ITGA8: variants seen among roughly 807,000 people sequenced by gnomAD.
The protein encoded by ITGA8 is integrin alpha-8.
In ITGA8, 91 loss-of-function variants were observed where a neutral mutation model predicts 142.3. That is an observed-to-expected ratio of 0.64 (90% confidence interval 0.54 to 0.76). The LOEUF is 0.76. Among genes scored for constraint, ITGA8 ranks in the 30% least tolerant of loss-of-function variants. ITGA8 has a pLI of 0.00. For missense variants in ITGA8, 1,406 were observed against 1,327.7 expected (o/e 1.06, Z -0.92); for synonymous variants, 505 against 485.2 (o/e 1.04, Z -0.54).
At position 15,572,285 on chromosome 10, in the gene ITGA8, A is replaced by G; in HGVS notation, c.2563T>C (p.Tyr855His). Residue 855 changes from tyrosine (Y) to histidine (H), a missense_variant, in exon 25 of 30, where the codon TAT (tyrosine) becomes CAT (histidine). By Grantham distance (83) the Tyr-to-His change is moderately conservative (BLOSUM62 2). Transcript: ENST00000378076. Reference protein sequence around the residue: ...PFSARDEFLLYIFHIQTLGPL... With the variant: ...PFSARDEFLLHIFHIQTLGPL... ...CCCAGAGTTTGAATATGGAAAATAT[A>G]GAGAAGAAATTCATCCCGGGCAGAG... 5 of 1,614,008 alleles carry G rather than the reference A, an allele frequency of 3.1e-6. No homozygotes were observed. The highest frequency in any genetic ancestry group is 4.2e-6 in the Non-Finnish European group (5 of 1,179,856).
At chr10:15,589,340 G>T (rs1383014034) in intron 22 of ITGA8, among the ~76,000 whole-genome samples, 1 of 152,144 alleles carries the variant, frequency 6.6e-6, no homozygotes, top group Non-Finnish European at 1.5e-5. Flanking sequence ...GAAACTCTGA[G>T]GACAGTCACC....
chr10:15,718,838 C>G lies in ITGA8; in HGVS notation c.271G>C (p.Gly91Arg). 3 of 1,614,158 alleles carry G rather than the reference C, an allele frequency of 1.9e-6. No homozygotes were observed. Among genetic ancestry groups the G allele is most frequent in the Non-Finnish European group, 2.5e-6 (3 of 1,180,036 alleles). Residue 91 changes from glycine to arginine, a missense_variant, in exon 2 of 30, where the codon GGA becomes CGA. Physicochemically the swap from Gly to Arg is moderately radical, Grantham distance 125. Coordinates refer to ENST00000378076, the MANE Select transcript of ITGA8 (RefSeq NM_003638.3). The part of the protein sequence containing the change: ...NTSQPDIVEG[G>R]AVYYCPWPAE... ...GGCCAAGGACAGTAATAGACGGCTC[C>G]CCCTTCCACGATATCGGGCTGGCTG... is the stretch of plus-strand genomic sequence containing the variant.
intron 2 of ITGA8, among the ~76,000 whole-genome samples, chr10:15,701,693 G>A (rs998878020): frequency 2.6e-5 from 4 of 152,184 alleles, no homozygotes; most frequent in African/African-American, 9.7e-5. Context: ...TGGCAGACAG[G>A]ATAATTTTTG....
chr10:15,663,912 T>TG (rs1200662836), intron 8 of ITGA8, among the ~76,000 whole-genome samples: 5 of 152,204 alleles, frequency 3.3e-5, no homozygotes, highest in Non-Finnish European at 5.9e-5. Context: ...AATAATAATT[T>TG]GGCATGTTTT....
chr10:15,593,033 T>C (rs1359343260), intron 21 of ITGA8, among the ~76,000 whole-genome samples: 1 of 152,232 alleles, frequency 6.6e-6, no homozygotes, highest in Admixed American at 6.5e-5. Context: ...GGTTACAATG[T>C]TTATGTGCAA....
At position 15,607,848 on chromosome 10, in the gene ITGA8, A is replaced by T. The variant is rs778578296; in HGVS notation, c.1610-17T>A. ...CCATCAAGACTAAAGGACAGAAGTA[A>T]AGTAGAGAAAAAGTATTCAGTGAAC... On this transcript the variant is annotated splice_polypyrimidine_tract_variant and intron_variant, in intron 16 of 29. Coordinates refer to ENST00000378076, the MANE Select transcript of ITGA8 (RefSeq NM_003638.3). 3.1e-6 allele frequency: 5 copies of T among 1,608,282 alleles called. No individual in the cohort carries two copies. The East Asian group carries it at 1.1e-4, about 36-fold the overall frequency.
In ITGA8 at chr10:15,696,024, C is replaced by T. The variant is rs573889769; in HGVS notation, c.344-7986G>A. Among the ~76,000 whole-genome samples, 81 of 152,334 alleles carry T rather than the reference C, an allele frequency of 5.3e-4. 2 individuals carry two copies. The highest frequency in any genetic ancestry group is 4.6e-3 in the Admixed American group (71 of 15,306). ...TGCCAGACTCTGCGTGAAATTCCTT[C>T]CTAGTTGTAATACTCAATGTGCTTT... On this transcript the variant is annotated intron_variant, in intron 2 of 29. Coordinates refer to ENST00000378076, the MANE Select transcript of ITGA8 (RefSeq NM_003638.3).
At chr10:15,556,019 T>TCTCTC (rs1491126409) in intron 26 of ITGA8, among the ~76,000 whole-genome samples, 21 of 14,188 alleles carry the variant, frequency 1.5e-3, no homozygotes, top group African/African-American at 3.8e-3. Flanking sequence ...TCTCTCTCTC[T>TCTCTC]TTTTTTTTTT....
intron 22 of ITGA8, among the ~76,000 whole-genome samples, chr10:15,587,749 T>C (rs1224069706): frequency 6.6e-6 from 1 of 152,362 alleles, no homozygotes; most frequent in Non-Finnish European, 1.5e-5. Context: ...TAACAACATT[T>C]CTTTGAACAG....
At position 15,704,556 on chromosome 10, in the gene ITGA8, T is replaced by C. The variant is rs148779094; in HGVS notation, c.343+14210A>G. Among the ~76,000 whole-genome samples, 383 of 152,314 alleles carry C rather than the reference T, an allele frequency of 2.5e-3. 2 individuals carry two copies. Among genetic ancestry groups the C allele is most frequent in the African/African-American group, 8.8e-3 (364 of 41,552 alleles). On this transcript the variant is annotated intron_variant, in intron 2 of 29. Coordinates refer to ENST00000378076, the MANE Select transcript of ITGA8 (RefSeq NM_003638.3). ...AATCTTTCATACTTTCTTTCACCTCTAGATTTTTTTCACACTTGGAATAAT... is the reference window on the plus strand; with the variant it reads ...AATCTTTCATACTTTCTTTCACCTCCAGATTTTTTTCACACTTGGAATAAT...
chr10:15,544,317 A>AAAACT (rs1025309208), intron 27 of ITGA8, among the ~76,000 whole-genome samples: 2 of 152,082 alleles, frequency 1.3e-5, no homozygotes, highest in Admixed American at 6.5e-5. Flanking sequence ...AAAACAAAAC[A>AAAACT]AAACAACAAC....
intron 28 of ITGA8, among the ~76,000 whole-genome samples, chr10:15,529,893 G>T (rs749438880): frequency 2.6e-5 from 4 of 152,138 alleles, no homozygotes; most frequent in South Asian, 2.1e-4. Flanking sequence ...ATCTGGAGAG[G>T]TCTGTTTCTG....
chr10:15,632,545 C>T (rs1833702375), intron 13 of ITGA8, among the ~76,000 whole-genome samples: 1 of 152,164 alleles, frequency 6.6e-6, no homozygotes, highest in African/African-American at 2.4e-5. Context: ...GGAAAGACAT[C>T]CCACAAACAG....
In ITGA8 at chr10:15,672,749, C is replaced by T. The variant is rs1386756580; in HGVS notation, c.677G>A (p.Gly226Glu). ...TGCAACACTGGCAGTGATCACTTGT[C>T]CTGTGTTTAAACAAATTAATACGTT... The part of the protein sequence containing the change: ...VGGPGSFYWQ[G>E]QVITASVADI... Residue 226 changes from glycine to glutamate, a missense_variant and splice_region_variant, in exon 7 of 30, where the codon GGA (glycine) becomes GAA (glutamate). Coordinates refer to ENST00000378076, the MANE Select transcript of ITGA8 (RefSeq NM_003638.3). 2 of 1,604,350 alleles carry T rather than the reference C, an allele frequency of 1.2e-6. No individual in the cohort carries two copies. Among genetic ancestry groups the T allele is most frequent in the African/African-American group, 2.7e-5 (2 of 74,324 alleles).
At chr10:15,535,848 C>G (rs551178762) in intron 27 of ITGA8, among the ~76,000 whole-genome samples, 25 of 152,280 alleles carry the variant, frequency 1.6e-4, no homozygotes, top group East Asian at 9.7e-4. Flanking sequence ...AATCTTGCTG[C>G]TGCTCCCTCT....
intron 4 of ITGA8, 124 bp downstream of exon 4, chr10:15,683,880 C>T (rs1185632739): frequency 1.9e-6 from 2 of 1,068,800 alleles, no homozygotes; most frequent in Non-Finnish European, 2.7e-6. Flanking sequence ...TCTTTACCTA[C>T]CCCCGAAGCT....
At chr10:15,585,499 T>C (rs963327396) in intron 23 of ITGA8, among the ~76,000 whole-genome samples, 1 of 152,168 alleles carries the variant, frequency 6.6e-6, no homozygotes, top group African/African-American at 2.4e-5. Flanking sequence ...CTCTGCCTGC[T>C]GAAATACCAG....
intron 11 of ITGA8, among the ~76,000 whole-genome samples, chr10:15,650,808 T>C (rs1834071359): frequency 1.3e-5 from 2 of 152,198 alleles, no homozygotes; most frequent in Admixed American, 1.3e-4. Context: ...TACAGATTAG[T>C]GGACTATATA....
Position 15,660,863 on chromosome 10 carries a change from C to T in ITGA8, c.891+16G>A. On this transcript the variant is annotated intron_variant, in intron 9 of 29. Coordinates refer to ENST00000378076, the MANE Select transcript of ITGA8 (RefSeq NM_003638.3). ...AAGAAAATACCCTATTCCTGTAATG[C>T]ATTCTCAGTACTCACATATCCAAAA... The T allele has an allele frequency of 1.2e-6, 2 of 1,604,926 alleles. No homozygotes were observed. The highest frequency in any genetic ancestry group is 8.5e-7 in the Non-Finnish European group (1 of 1,171,882).
Sources: allele counts gnomAD v4.1 joint callset (sites outside exome capture counted in the v4.1 genomes callset), GRCh38; gene constraint gnomAD v4.1.1; transcripts MANE v1.5; gene names NCBI Gene and HGNC (gene_info 2026-07-23, HGNC 2026-07-21).